Variants in PTTG1IP2 observed in about 807,000 individuals in gnomAD.
PTTG1IP2 encodes the protein PTTG1IP family member 2.
At chr7:90,489,177 G>C (rs1797910843) in intron 4 of PTTG1IP2, among the ~76,000 whole-genome samples, 1 of 149,946 alleles carries the variant, frequency 6.7e-6, no homozygotes, top group East Asian at 1.9e-4. Context: ...CTCTAACACT[G>C]TCTTCCCAGA....
intron 6 of PTTG1IP2, among the ~76,000 whole-genome samples, chr7:90,508,963 T>G (rs1321974160): frequency 6.6e-6 from 1 of 152,192 alleles, no homozygotes; most frequent in East Asian, 1.9e-4. Flanking sequence ...GCAATCTGGC[T>G]TCAGAGGCTG....
rs567368450 is a variant in PTTG1IP2, at chr7:90,492,865, A to G, written c.451+556A>G. On this transcript the variant is annotated intron_variant, in intron 5 of 6. Coordinates refer to ENST00000509356, the MANE Select transcript of PTTG1IP2 (RefSeq NM_001365443.2). ...TACCTAGTTCCTTGGCTAACCTCCTATCCGCTCTCCTCAACTCAATTCTAA... is the reference window on the plus strand; with the variant it reads ...TACCTAGTTCCTTGGCTAACCTCCTGTCCGCTCTCCTCAACTCAATTCTAA... Among the ~76,000 whole-genome samples the G allele has an allele frequency of 2.6e-5, 4 of 152,160 alleles. No individual in the cohort carries two copies. In the South Asian group the frequency reaches 8.3e-4, roughly 32 times the overall value.
intron 2 of PTTG1IP2, among the ~76,000 whole-genome samples, chr7:90,480,710 TTTTG>T (rs1377365097): frequency 6.6e-6 from 1 of 152,280 alleles, no homozygotes; most frequent in Admixed American, 6.5e-5. Context: ...GTTGAGTCAT[TTTTG>T]TTTGTTTGTT....
intron 6 of PTTG1IP2, among the ~76,000 whole-genome samples, chr7:90,511,761 T>A (rs1230004606): frequency 1.3e-5 from 2 of 152,192 alleles, no homozygotes; most frequent in East Asian, 3.9e-4. Flanking sequence ...GAATCCCAGC[T>A]CTATCACTTA....
intron 6 of PTTG1IP2, among the ~76,000 whole-genome samples, chr7:90,507,464 G>T (rs1453656970): frequency 6.6e-6 from 1 of 151,928 alleles, no homozygotes; most frequent in African/African-American, 2.4e-5. Context: ...CTGGAATACA[G>T]GAAAAATAAT....
intron 2 of PTTG1IP2, among the ~76,000 whole-genome samples, chr7:90,486,813 A>C (rs1797880177): frequency 6.6e-6 from 1 of 152,200 alleles, no homozygotes; most frequent in Non-Finnish European, 1.5e-5. Flanking sequence ...GAGTCTGAGA[A>C]AGGGGTTCAG....
intron 1 of PTTG1IP2, among the ~76,000 whole-genome samples, chr7:90,478,530 A>G (rs1024429879): frequency 5.9e-5 from 9 of 152,250 alleles, no homozygotes; most frequent in Non-Finnish European, 1.2e-4. Context: ...GAAATTAAAT[A>G]GAAAGATTTG....
chr7:90,501,440 A>G (rs1798060198), intron 6 of PTTG1IP2, among the ~76,000 whole-genome samples: 1 of 152,238 alleles, frequency 6.6e-6, no homozygotes, highest in Non-Finnish European at 1.5e-5. Context: ...AAGCGAGGTG[A>G]GAGGGTCACT....
chr7:90,480,596 T>C (rs17867118), intron 2 of PTTG1IP2, among the ~76,000 whole-genome samples: 50 of 152,308 alleles, frequency 3.3e-4, no homozygotes, highest in African/African-American at 1.2e-3. Flanking sequence ...TATTTCTAAT[T>C]GATATTTTAC....
chr7:90,502,096 A>G (rs1049720374), intron 6 of PTTG1IP2, among the ~76,000 whole-genome samples: 1 of 152,210 alleles, frequency 6.6e-6, no homozygotes, highest in Non-Finnish European at 1.5e-5. Context: ...CTCCTCATCC[A>G]TTCAAGTTTT....
chr7:90,493,129 T>C (rs1454560657), intron 5 of PTTG1IP2, among the ~76,000 whole-genome samples: 1 of 152,164 alleles, frequency 6.6e-6, no homozygotes, highest in African/African-American at 2.4e-5. Context: ...TAATTACTAT[T>C]AATAAATAAC....
intron 6 of PTTG1IP2, among the ~76,000 whole-genome samples, chr7:90,512,123 A>G (rs772565211): frequency 6.6e-6 from 1 of 152,216 alleles, no homozygotes; most frequent in Non-Finnish European, 1.5e-5. Context: ...GGAGTCAGAA[A>G]AAGATAGCTC....
At chr7:90,498,969 A>T (rs368039514) in intron 6 of PTTG1IP2, among the ~76,000 whole-genome samples, 21 of 152,132 alleles carry the variant, frequency 1.4e-4, no homozygotes, top group Admixed American at 6.5e-4. Flanking sequence ...CTCTGGCCTA[A>T]GCCTCTCAAG....
chr7:90,494,227 A>G (rs1797969181), intron 5 of PTTG1IP2, 140 bp from the exon 6 acceptor site: 1 of 152,242 alleles, frequency 6.6e-6, no homozygotes, highest in African/African-American at 2.4e-5. Context: ...AAATATTAAA[A>G]TAGCAACAGT....
intron 6 of PTTG1IP2, among the ~76,000 whole-genome samples, chr7:90,494,835 A>AC (rs1376910113): frequency 2.6e-5 from 4 of 152,142 alleles, no homozygotes; most frequent in African/African-American, 9.7e-5. Context: ...ACATAGCAAG[A>AC]CCCCATCACT....
At chr7:90,506,918 G>A (rs1489038032) in intron 6 of PTTG1IP2, among the ~76,000 whole-genome samples, 1 of 150,434 alleles carries the variant, frequency 6.6e-6, no homozygotes, top group African/African-American at 2.5e-5. Context: ...CTCTGGTGTG[G>A]TATTTTTTAC....
At chr7:90,508,939 C>T (rs1798155280) in intron 6 of PTTG1IP2, among the ~76,000 whole-genome samples, 2 of 152,130 alleles carry the variant, frequency 1.3e-5, no homozygotes, top group South Asian at 4.1e-4. Context: ...CTCAATGTCG[C>T]ACAGGTGAGG....
chr7:90,485,343 G>A (rs1169950261), intron 2 of PTTG1IP2, among the ~76,000 whole-genome samples: 1 of 152,058 alleles, frequency 6.6e-6, no homozygotes, highest in African/African-American at 2.4e-5. Flanking sequence ...CTTACCCAAG[G>A]TCACTATCAG....
chr7:90,475,627 GA>G (rs1227543461), intron 1 of PTTG1IP2, among the ~76,000 whole-genome samples: 2 of 152,120 alleles, frequency 1.3e-5, no homozygotes, highest in African/African-American at 4.8e-5. Context: ...CAGGAGGAGA[GA>G]AATGGAAGAG....
Sources: allele counts gnomAD v4.1 joint callset (sites outside exome capture counted in the v4.1 genomes callset), GRCh38; gene constraint gnomAD v4.1.1; transcripts MANE v1.5; gene names NCBI Gene and HGNC (gene_info 2026-07-23, HGNC 2026-07-21).